The following LRWD1 variants were observed in gnomAD, a reference collection of about 807,000 sequenced individuals.
LRWD1 encodes the protein leucine-rich repeat and WD repeat-containing protein 1.
LRWD1 carries 76 observed loss-of-function variants against 75.6 expected under a neutral mutation model. That is an observed-to-expected ratio of 1.01 (90% confidence interval 0.84 to 1.22). The LOEUF (loss-of-function observed/expected upper bound fraction) is 1.22, where lower values mean the gene tolerates loss of function less well. Among genes scored for constraint, LRWD1 ranks in the 50% most tolerant of loss-of-function variants. The pLI is 0.00. For synonymous variants in LRWD1, 487 were observed against 377.0 expected (o/e 1.29, Z -3.38); for missense variants, 917 against 862.0 (o/e 1.06, Z -0.80).
chr7:102,467,171 G>GTGTAT (rs1554579596), intron 3 of LRWD1, among the ~76,000 whole-genome samples, 168 bp from the exon 4 acceptor site: 6 of 99,116 alleles, frequency 6.1e-5, no homozygotes, highest in Admixed American at 5.4e-4. Flanking sequence ...GTGTGTGTGG[G>GTGTAT]GTGTGTGTGT....
At chr7:102,470,041 T>G in intron 11 of LRWD1, 159 bp downstream of exon 11, 1 of 961,884 alleles carries the variant, frequency 1.0e-6, no homozygotes, top group Non-Finnish European at 1.5e-6. Flanking sequence ...TCTGCCAGGC[T>G]CTGGAGGAAA....
chr7:102,468,506 G>A (rs1304375461), intron 7 of LRWD1, 48 bp from the exon 8 acceptor site: 6 of 1,550,084 alleles, frequency 3.9e-6, no homozygotes, highest in East Asian at 4.9e-5. Context: ...GGAGGACCTA[G>A]ATGGGAAATG....
Position 102,472,953 on chromosome 7 carries a change from C to T in LRWD1, c.1848C>T (p.Thr616=), listed in dbSNP as rs772985048. 1.7e-5 allele frequency: 27 copies of T among 1,613,958 alleles called. No homozygotes were observed. Among genetic ancestry groups the T allele is most frequent in the Non-Finnish European group, 2.2e-5 (26 of 1,180,018 alleles). Residue 616 remains threonine (T), a synonymous_variant, in exon 15 of 15, where the codon ACC becomes ACT. Coordinates refer to ENST00000292616, the MANE Select transcript of LRWD1 (RefSeq NM_152892.3). ...PQPWALGQVV[T]KTMVNTVVAN... is the part of the protein sequence containing the mutation. ...CCTGGGCCCTTGGCCAGGTGGTGAC[C>T]AAGACCATGGTGAACACAGTGGTGG...
rs116498858 is a variant in LRWD1, at chr7:102,472,886, G to A, written c.1804-23G>A. 2.4e-3 allele frequency: 3,804 copies of A among 1,606,530 alleles called. 69 individuals are homozygous for A. The African/African-American group carries it at 0.045, about 19-fold the overall frequency. ...CTTTGGTCAGCAGGAGCCCAGCCCA[G>A]CCCTCCCCTCTCTCCCCACCAGATC... On this transcript the variant is annotated intron_variant, in intron 14 of 14. Coordinates refer to ENST00000292616, the MANE Select transcript of LRWD1 (RefSeq NM_152892.3).
At chr7:102,472,127 G>A (rs1417681576) in intron 11 of LRWD1, 91 bp from the exon 12 acceptor site, 5 of 1,165,984 alleles carry the variant, frequency 4.3e-6, no homozygotes, top group Non-Finnish European at 5.0e-6. Flanking sequence ...ACAGGGCAGG[G>A]TCCCCAGCAG....
In LRWD1 at chr7:102,469,291, C is replaced by G. The variant is rs935052262; in HGVS notation, c.1228+229C>G. ...TTTCCAACAGCCTGGGCCACTCTGT[C>G]CCCTGTCAGTGACCTGGGGGGATGC... On this transcript the variant is annotated intron_variant, in intron 9 of 14. Coordinates refer to ENST00000292616, the MANE Select transcript of LRWD1 (RefSeq NM_152892.3). Among the ~76,000 whole-genome samples the G allele has an allele frequency of 2.0e-5, 3 of 152,312 alleles. No homozygotes were observed. The South Asian group carries it at 6.2e-4, about 32-fold the overall frequency.
rs1442668983 is a variant in LRWD1 at position 102,467,351 on chromosome 7, T to G, written c.445T>G (p.Trp149Gly). ...RELTSRVTAH[W>G]EKFMATLGPE... ...CCTCTTGCACCAGGTCACAGCTCAC[T>G]GGGAGAAGTTCATGGCCACACTGGG... is the stretch of plus-strand genomic sequence containing the variant. The change falls in exon 4 of 15, where the codon TGG (tryptophan) becomes GGG (glycine). Residue 149 changes from tryptophan to glycine, a missense_variant. Coordinates refer to ENST00000292616, the MANE Select transcript of LRWD1 (RefSeq NM_152892.3). The G allele has an allele frequency of 1.3e-5, 21 of 1,609,232 alleles. No individual in the cohort carries two copies. Among genetic ancestry groups the G allele is most frequent in the Non-Finnish European group, 1.7e-5 (20 of 1,178,092 alleles).
chr7:102,469,041 G>T lies in LRWD1; in HGVS notation c.1207G>T (p.Ala403Ser), dbSNP rs747497615. The change falls in exon 9 of 15, where the codon GCC becomes TCC. Residue 403 changes from alanine to serine, a missense_variant. Transcript: ENST00000292616. ...CATCGCCACCCTGTGCTTCAGCCCCGCCCACGAGACCCATCTCTTCAGTAA... is the reference window on the plus strand; with the variant it reads ...CATCGCCACCCTGTGCTTCAGCCCCTCCCACGAGACCCATCTCTTCAGTAA... ...KAIATLCFSP[A>S]HETHLFTASY... The T allele has an allele frequency of 3.1e-6, 5 of 1,608,542 alleles. No individual in the cohort carries two copies. Among genetic ancestry groups the T allele is most frequent in the Non-Finnish European group, 4.2e-6 (5 of 1,177,848 alleles).
intron 9 of LRWD1, among the ~76,000 whole-genome samples, 198 bp downstream of exon 9, chr7:102,469,260 C>T (rs1379238344): frequency 1.3e-5 from 2 of 152,220 alleles, no homozygotes; most frequent in East Asian, 1.9e-4. Context: ...TCTGTGGCCT[C>T]GGAGTTTTCC....
chr7:102,467,757 G>A lies in LRWD1; in HGVS notation c.612G>A (p.Arg204=), dbSNP rs1344405782. The A allele has an allele frequency of 6.4e-7, 1 of 1,551,974 alleles. No individual in the cohort carries two copies. Among genetic ancestry groups the A allele is most frequent in the South Asian group, 1.2e-5 (1 of 84,046 alleles). The part of the protein sequence containing the change: ...MISEELVAAS[R]TQVQKANSPE... ...CTGAGGAGCTGGTGGCCGCCAGTAG[G>A]ACCCAGGTGCAAAAGGCTAACAGCC... The change falls in exon 5 of 15, where the codon AGG becomes AGA. Residue 204 remains arginine (R), a synonymous_variant. Transcript: ENST00000292616.
At chr7:102,469,104 T>C (rs1413897932) in intron 9 of LRWD1, 42 bp downstream of exon 9, 1 of 1,511,986 alleles carries the variant, frequency 6.6e-7, no homozygotes, top group Admixed American at 2.1e-5. Context: ...CAAGCACCCC[T>C]GTCCTGCTGC....
Position 102,472,622 on chromosome 7 carries a change from C to T in LRWD1, c.1690+13C>T, listed in dbSNP as rs1241017734. 5 of 1,609,518 alleles carry T rather than the reference C, an allele frequency of 3.1e-6. No individual in the cohort carries two copies. Among genetic ancestry groups the T allele is most frequent in the Middle Eastern group, 1.7e-4 (1 of 6,046 alleles). ...AGCGCCTGCCCTGGTGAGCCTGCCC[C>T]CCTGCCCGCCCCATCCCGCGGGCTT... On this transcript the variant is annotated intron_variant, in intron 13 of 14. Coordinates refer to ENST00000292616, the MANE Select transcript of LRWD1 (RefSeq NM_152892.3).
At position 102,473,022 on chromosome 7, in the gene LRWD1, C is replaced by T. The variant is rs766852848; in HGVS notation, c.1917C>T (p.Asn639=). The T allele has an allele frequency of 6.2e-7, 1 of 1,613,848 alleles. No homozygotes were observed. Among genetic ancestry groups the T allele is most frequent in the South Asian group, 1.1e-5 (1 of 91,046 alleles). The change falls in exon 15 of 15, where the codon AAC becomes AAT. Residue 639 remains asparagine, a synonymous_variant. Coordinates refer to ENST00000292616, the MANE Select transcript of LRWD1 (RefSeq NM_152892.3). The part of the protein sequence containing the change: ...FTYLTALTDS[N]IVAIWGRM ...ACCTCACCGCCCTGACGGACTCCAA[C>T]ATCGTAGCCATCTGGGGGAGGATGT...
At position 102,468,267 on chromosome 7, in the gene LRWD1, C is replaced by T. The variant is rs1245369402; in HGVS notation, c.809C>T (p.Ala270Val). Residue 270 changes from alanine (A) to valine (V), a missense_variant, in exon 7 of 15, where the codon GCT becomes GTT. Ala to Val is a moderately conservative substitution (Grantham distance 64). Transcript: ENST00000292616. ...GACCCTTCTCTCCCCCCACAGCCTG[C>T]TGTGAAGCTGGAGCCCCTGCACTTC... is the stretch of plus-strand genomic sequence containing the variant. ...PVAGSDGSQP[A>V]VKLEPLHFLQ... 2.5e-6 allele frequency: 4 copies of T among 1,607,442 alleles called. No homozygotes were observed. Among genetic ancestry groups the T allele is most frequent in the African/African-American group, 2.7e-5 (2 of 74,930 alleles).
At chr7:102,472,846 C>T (rs1563659519) in intron 14 of LRWD1, 42 bp downstream of exon 14, 3 of 1,611,630 alleles carry the variant, frequency 1.9e-6, no homozygotes, top group South Asian at 1.1e-5. Context: ...GCTGGCAAGG[C>T]ATCAGGGGCC....
chr7:102,465,806 C>T lies in LRWD1; in HGVS notation c.81-11C>T, dbSNP rs1289014551. On this transcript the variant is annotated splice_polypyrimidine_tract_variant and intron_variant, in intron 1 of 14. Coordinates refer to ENST00000292616, the MANE Select transcript of LRWD1 (RefSeq NM_152892.3). ...CTGCCCGCCCCCTAAGCCTTCTGCC[C>T]CCAACTCCAGCCTGTCAGGATTGGA... The T allele has an allele frequency of 1.9e-6, 3 of 1,610,228 alleles. No individual in the cohort carries two copies. Among genetic ancestry groups the T allele is most frequent in the Non-Finnish European group, 2.5e-6 (3 of 1,177,734 alleles).
At position 102,473,021 on chromosome 7, in the gene LRWD1, A is replaced by G. The variant is rs761375055; in HGVS notation, c.1916A>G (p.Asn639Ser). 44 of 1,613,402 alleles carry G rather than the reference A, an allele frequency of 2.7e-5. No individual in the cohort carries two copies. Among genetic ancestry groups the G allele is most frequent in the Non-Finnish European group, 3.6e-5 (42 of 1,179,786 alleles). The change falls in exon 15 of 15, where the codon AAC (asparagine) becomes AGC (serine). Residue 639 changes from asparagine to serine, a missense_variant. Physicochemically the swap from Asn to Ser is conservative, Grantham distance 46 (BLOSUM62 1). Coordinates refer to ENST00000292616, the MANE Select transcript of LRWD1 (RefSeq NM_152892.3). ...FTYLTALTDSNIVAIWGRM is the reference protein window; with the variant it reads ...FTYLTALTDSSIVAIWGRM ...TACCTCACCGCCCTGACGGACTCCA[A>G]CATCGTAGCCATCTGGGGGAGGATG...
chr7:102,471,962 G>A (rs1247648340), intron 11 of LRWD1: 15 of 475,320 alleles, frequency 3.2e-5, no homozygotes, highest in Non-Finnish European at 5.4e-5. Context: ...CCAACCCCCT[G>A]GCCTAGCCCC....
intron 12 of LRWD1, 72 bp from the exon 13 acceptor site, chr7:102,472,382 T>C (rs996792887): frequency 7.7e-6 from 12 of 1,551,162 alleles, no homozygotes; most frequent in Non-Finnish European, 1.0e-5. Flanking sequence ...TGGGCTAGGC[T>C]TCTGAGGATC....
Sources: gnomAD v4.1 joint callset for allele counts (sites outside exome capture counted in the v4.1 genomes callset) on GRCh38, gnomAD v4.1.1 for gene constraint, MANE v1.5 for transcripts, NCBI Gene and HGNC (gene_info 2026-07-23, HGNC 2026-07-21) for gene names.